The following RIPOR3 variants were observed in gnomAD, a reference collection of about 807,000 sequenced individuals.
RIPOR3 encodes the protein RIPOR family member 3.
In RIPOR3, 95 loss-of-function variants were observed where a neutral mutation model predicts 114.3. That is an observed-to-expected ratio of 0.83 (90% confidence interval 0.70 to 0.99). The LOEUF is 0.99. Among genes scored for constraint, RIPOR3 ranks in the 50% least tolerant of loss-of-function variants. RIPOR3 has a pLI of 0.00. For synonymous variants in RIPOR3, 575 were observed against 543.8 expected, an observed-to-expected ratio of 1.06 and a Z score of -0.80; for missense variants, 1,252 against 1,266.9, an observed-to-expected ratio of 0.99 and a Z score of 0.18.
At chr20:50,642,731 T>A (rs1333729146) in intron 1 of RIPOR3, among the ~76,000 whole-genome samples, 1 of 151,476 alleles carries the variant, frequency 6.6e-6, no homozygotes, top group East Asian at 1.9e-4. Flanking sequence ...CCCCACATGA[T>A]TACCACAGTG....
In RIPOR3 at chr20:50,608,994, A is replaced by C. The variant is rs761001066; in HGVS notation, c.641-39T>G. 5 of 1,554,016 alleles carry C rather than the reference A, an allele frequency of 3.2e-6. No homozygotes were observed. In the South Asian group the frequency reaches 4.7e-5, roughly 15 times the overall value. Reference sequence around the variant, plus strand: ...ATGGCCGGTCTCCCCTCCGCCTTCCACTCTCCCTGACCTGGGACCACAGGT... The same window carrying C: ...ATGGCCGGTCTCCCCTCCGCCTTCCCCTCTCCCTGACCTGGGACCACAGGT... On this transcript the variant is annotated intron_variant, in intron 8 of 21. Coordinates refer to ENST00000327979, the MANE Select transcript of RIPOR3 (RefSeq NM_001290268.2).
In RIPOR3 at chr20:50,609,347, G is replaced by T. The variant is rs766766218; in HGVS notation, c.586C>A (p.Leu196Ile). The T allele has an allele frequency of 9.3e-6, 15 of 1,613,760 alleles. No individual in the cohort carries two copies. The East Asian group carries it at 3.1e-4, about 34-fold the overall frequency. ...TGAACCTCCAGGGCCCCCTCGATGA[G>T]CCACATGTCCTGCAAAGCCCCGGAG... Reference protein sequence around the residue: ...SLHECAEDMWLIEGALEVHLG... With the variant: ...SLHECAEDMWIIEGALEVHLG... Residue 196 changes from leucine (L) to isoleucine (I), a missense_variant, in exon 8 of 22, where the codon CTC becomes ATC. Leu to Ile is a conservative substitution (Grantham distance 5). Coordinates refer to ENST00000327979, the MANE Select transcript of RIPOR3 (RefSeq NM_001290268.2).
chr20:50,598,182 G>T (rs1401787833), intron 13 of RIPOR3, among the ~76,000 whole-genome samples: 1 of 152,152 alleles, frequency 6.6e-6, no homozygotes, highest in Non-Finnish European at 1.5e-5. Flanking sequence ...TAAATACATG[G>T]TGTAGGTCAG....
intron 1 of RIPOR3, among the ~76,000 whole-genome samples, chr20:50,646,769 CA>C (rs2085413785): frequency 6.6e-6 from 1 of 152,112 alleles, no homozygotes; most frequent in African/African-American, 2.4e-5. Context: ...CTAGAGTTTC[CA>C]AAAGTGTTGC....
chr20:50,620,954 G>T, intron 2 of RIPOR3: 1 of 529,312 alleles, frequency 1.9e-6, no homozygotes, highest in South Asian at 1.7e-5. Flanking sequence ...GGTCTCCAAG[G>T]ACAAACAGGC....
intron 11 of RIPOR3, among the ~76,000 whole-genome samples, chr20:50,605,794 A>G (rs1384157815): frequency 6.6e-6 from 1 of 152,020 alleles, no homozygotes; most frequent in South Asian, 2.1e-4. Context: ...AAAAGAAAAA[A>G]AAAAAAAGCA....
In RIPOR3 at chr20:50,587,825, G is replaced by T. The variant is rs1022281012; in HGVS notation, c.2729C>A (p.Ala910Asp). ...QSDLEAVRAAARETTLSFGEK... is the reference protein window; with the variant it reads ...QSDLEAVRAADRETTLSFGEK... ...ACCGAACGACAGTGTGGTTTCCCGGGCTGCCGCCCGCACGGCCTCCAGGTC... is the reference window on the plus strand; with the variant it reads ...ACCGAACGACAGTGTGGTTTCCCGGTCTGCCGCCCGCACGGCCTCCAGGTC... The change falls in exon 21 of 22, where the codon GCC becomes GAC. Residue 910 changes from alanine (A) to aspartate (D), a missense_variant. By Grantham distance (126) the Ala-to-Asp change is moderately radical. Coordinates refer to ENST00000327979, the MANE Select transcript of RIPOR3 (RefSeq NM_001290268.2). The T allele has an allele frequency of 1.2e-6, 2 of 1,614,174 alleles. No homozygotes were observed. Among genetic ancestry groups the T allele is most frequent in the South Asian group, 2.2e-5 (2 of 91,088 alleles).
At position 50,630,798 on chromosome 20, in the gene RIPOR3, C is replaced by T. The variant is rs149834652; in HGVS notation, c.62G>A (p.Gly21Glu). 4.5e-4 allele frequency: 729 copies of T among 1,612,102 alleles called. No individual in the cohort carries two copies. The highest frequency in any genetic ancestry group is 5.7e-4 in the Non-Finnish European group (669 of 1,179,588). Reference protein sequence around the residue: ...FLSPGDTGAVGVVGRSASFAG... With the variant: ...FLSPGDTGAVEVVGRSASFAG... ...GAAGGAGGCGCTCCGGCCCACGACCCCCACGGCCCCTGTGTCCCCAGGGGA... is the reference window on the plus strand; with the variant it reads ...GAAGGAGGCGCTCCGGCCCACGACCTCCACGGCCCCTGTGTCCCCAGGGGA... The change falls in exon 2 of 22, where the codon GGG (glycine) becomes GAG (glutamate). Residue 21 changes from glycine (G) to glutamate (E), a missense_variant. Physicochemically the swap from Gly to Glu is moderately conservative, Grantham distance 98 (BLOSUM62 -2). Coordinates refer to ENST00000327979, the MANE Select transcript of RIPOR3 (RefSeq NM_001290268.2).
In RIPOR3 at chr20:50,602,556, A is replaced by G; in HGVS notation, c.1175T>C (p.Leu392Pro). The change falls in exon 13 of 22, where the codon CTC becomes CCC. Residue 392 changes from leucine to proline, a missense_variant. Physicochemically the swap from Leu to Pro is moderately conservative, Grantham distance 98 (BLOSUM62 -3). Transcript: ENST00000327979. This position sits in a 1 kb window ranked among gnomAD's most constrained non-coding sequence, Gnocchi z 4.3. ...CTGGCTTCTTAGGCTGGGACCCCGG[A>G]GGTCGCTGTCAGACAGGTAGCTGAG... ...SILSYLSDSD[L>P]RGPSLRSQSQ... The G allele has an allele frequency of 6.5e-7, 1 of 1,546,884 alleles. No individual in the cohort carries two copies. The highest frequency in any genetic ancestry group is 8.7e-7 in the Non-Finnish European group (1 of 1,147,518).
Position 50,586,403 on chromosome 20 carries a change from T to G in RIPOR3, c.*829A>C. On this transcript the variant is annotated 3_prime_UTR_variant, in exon 22 of 22. Transcript: ENST00000327979. The stretch of plus-strand genomic sequence containing the variant: ...ATTGCGTTCTTCAGTGAACTCTTTC[T>G]TTAGGCCAGTTGATGGCTTCTTAGC... 1 of 152,428 alleles carries G rather than the reference T, an allele frequency of 6.6e-6. No individual in the cohort carries two copies. 9.4% of individuals were successfully genotyped at this position (152,428 alleles called of 1,614,324 possible).
At chr20:50,620,457 T>C (rs1421731940) in intron 2 of RIPOR3, among the ~76,000 whole-genome samples, 4 of 152,032 alleles carry the variant, frequency 2.6e-5, no homozygotes, top group African/African-American at 4.8e-5. Flanking sequence ...CGAAACCCTG[T>C]CTCTACTAAA....
chr20:50,655,628 A>G (rs565946532), intron 1 of RIPOR3, among the ~76,000 whole-genome samples: 1 of 150,940 alleles, frequency 6.6e-6, no homozygotes, highest in African/African-American at 2.4e-5. Context: ...AGTTTTGGCT[A>G]CTGCTGGGTT....
In RIPOR3 at chr20:50,628,502, C is replaced by T. The variant is rs536742768; in HGVS notation, c.122+2236G>A. On this transcript the variant is annotated intron_variant, in intron 2 of 21. Coordinates refer to ENST00000327979, the MANE Select transcript of RIPOR3 (RefSeq NM_001290268.2). The stretch of plus-strand genomic sequence containing the variant: ...TCCCGCCGCCGAAGGCTTCCCGGCC[C>T]ACCCCCATCTGCACACGCGCAGATC... 2.0e-5 allele frequency among the ~76,000 whole-genome samples: 3 copies of T among 152,268 alleles called. No individual in the cohort carries two copies. In the East Asian group the frequency reaches 5.8e-4, roughly 29 times the overall value.
Position 50,663,382 on chromosome 20 carries a change from C to T in RIPOR3, c.3+27744G>A, listed in dbSNP as rs555859558. Among the ~76,000 whole-genome samples the T allele has an allele frequency of 3.7e-4, 57 of 152,246 alleles. 1 individual carries two copies. The highest frequency in any genetic ancestry group is 1.2e-3 in the African/African-American group (51 of 41,538). On this transcript the variant is annotated intron_variant, in intron 1 of 21. Transcript: ENST00000327979. ...TTCGGCTTCACAGTGTCTGCCAGCC[C>T]GTGGAGTATGGCACAGTGGCTACTA...
At chr20:50,654,600 A>G (rs2085742929) in intron 1 of RIPOR3, among the ~76,000 whole-genome samples, 4 of 152,010 alleles carry the variant, frequency 2.6e-5, no homozygotes, top group Admixed American at 2.6e-4. Context: ...GGAGGCACTC[A>G]GCAAACATCC....
intron 3 of RIPOR3, 79 bp from the exon 4 acceptor site, chr20:50,616,159 C>A: frequency 7.0e-7 from 1 of 1,436,746 alleles, no homozygotes. Flanking sequence ...GGACAATGTC[C>A]CCACGTGGAG....
intron 1 of RIPOR3, among the ~76,000 whole-genome samples, chr20:50,685,483 G>A (rs2086985381): frequency 6.6e-6 from 1 of 151,650 alleles, no homozygotes; most frequent in Admixed American, 6.6e-5. Flanking sequence ...CCAAAGTGCT[G>A]GGATTACAGG....
chr20:50,598,348 G>T (rs2083373371), intron 13 of RIPOR3, among the ~76,000 whole-genome samples: 1 of 151,988 alleles, frequency 6.6e-6, no homozygotes, highest in African/African-American at 2.4e-5. Flanking sequence ...CCTCCCTGGA[G>T]ATTTCTGTCT....
At chr20:50,627,753 C>T (rs536326828) in intron 2 of RIPOR3, among the ~76,000 whole-genome samples, 188 of 152,218 alleles carry the variant, frequency 1.2e-3, no homozygotes, top group Non-Finnish European at 2.4e-3. Context: ...TGCAGTGAAT[C>T]GAGATCGCAC....
Sources: allele counts gnomAD v4.1 joint callset (sites outside exome capture counted in the v4.1 genomes callset), GRCh38; gene constraint gnomAD v4.1.1; non-coding constraint Gnocchi (gnomAD v3.1); transcripts MANE v1.5; gene names NCBI Gene and HGNC (gene_info 2026-07-23, HGNC 2026-07-21).